Variants in COLGALT2 observed in about 807,000 individuals in gnomAD.
The protein encoded by COLGALT2 is collagen beta(1-O)galactosyltransferase 2, also known as procollagen galactosyltransferase 2.
Under a neutral mutation model 73.4 loss-of-function variants are expected in COLGALT2, and 49 were observed. The ratio of observed to expected loss-of-function variants is 0.67; its 90% CI spans 0.53 to 0.85. The LOEUF is 0.85. Ranked by LOEUF, COLGALT2 falls within the 40% of genes least tolerant of loss-of-function variation. COLGALT2 has a pLI of 0.00. For synonymous variants in COLGALT2, 295 were observed against 307.6 expected, an observed-to-expected ratio of 0.96 and a Z score of 0.43; for missense variants, 722 against 790.2, an observed-to-expected ratio of 0.91 and a Z score of 1.03.
At chr1:183,993,610 C>A (rs1404491235) in intron 1 of COLGALT2, among the ~76,000 whole-genome samples, 1 of 152,164 alleles carries the variant, frequency 6.6e-6, no homozygotes, top group Non-Finnish European at 1.5e-5. Context: ...GCTCTGAACA[C>A]CCTTCCTTCC....
chr1:183,959,825 T>C (rs1380393796), intron 6 of COLGALT2, among the ~76,000 whole-genome samples: 1 of 152,292 alleles, frequency 6.6e-6, no homozygotes, highest in East Asian at 1.9e-4. Context: ...CTTCTTCCAT[T>C]ACTTCATCTC....
At chr1:183,965,464 G>C (rs1670841157) in intron 5 of COLGALT2, among the ~76,000 whole-genome samples, 1 of 152,138 alleles carries the variant, frequency 6.6e-6, no homozygotes, top group Non-Finnish European at 1.5e-5. Flanking sequence ...TGTGAGAGAA[G>C]GACGAGGAGG....
intron 1 of COLGALT2, among the ~76,000 whole-genome samples, chr1:184,014,032 G>T (rs1056387904): frequency 6.6e-6 from 1 of 152,182 alleles, no homozygotes; most frequent in Non-Finnish European, 1.5e-5. Context: ...TAAGTTAGAG[G>T]AATCTCTGGA....
chr1:183,934,398 C>T (rs1669906116), downstream of COLGALT2, among the ~76,000 whole-genome samples: 1 of 152,206 alleles, frequency 6.6e-6, no homozygotes, highest in South Asian at 2.1e-4. Flanking sequence ...CTCATATGCC[C>T]CTCCTCTCCT....
chr1:183,969,019 C>T (rs998809594), intron 5 of COLGALT2, among the ~76,000 whole-genome samples: 1 of 152,026 alleles, frequency 6.6e-6, no homozygotes, highest in Non-Finnish European at 1.5e-5. Flanking sequence ...CCATAATTCC[C>T]AATATCACCA....
chr1:183,998,618 C>T (rs1013658565), intron 1 of COLGALT2, among the ~76,000 whole-genome samples: 1 of 152,048 alleles, frequency 6.6e-6, no homozygotes, highest in African/African-American at 2.4e-5. Flanking sequence ...ATGAACAATC[C>T]TCTTGGGATT....
chr1:183,993,690 G>A (rs992461322), intron 1 of COLGALT2, among the ~76,000 whole-genome samples: 2 of 152,190 alleles, frequency 1.3e-5, no homozygotes, highest in Non-Finnish European at 2.9e-5. Context: ...TTTTGGAGGT[G>A]CCATGTGAAG....
chr1:184,036,595 G>C (rs1470319282), intron 1 of COLGALT2, among the ~76,000 whole-genome samples: 1 of 152,202 alleles, frequency 6.6e-6, no homozygotes, highest in African/African-American at 2.4e-5. Context: ...GCACCGGAAA[G>C]TCAGAGCAGC....
intron 4 of COLGALT2, among the ~76,000 whole-genome samples, chr1:183,969,841 A>G (rs899074460): frequency 1.3e-5 from 2 of 152,196 alleles, no homozygotes; most frequent in African/African-American, 4.8e-5. Flanking sequence ...CTGAGTTCAA[A>G]TCCTACCTCA....
intron 2 of COLGALT2, among the ~76,000 whole-genome samples, chr1:183,975,533 T>C (rs1404162608): frequency 1.3e-5 from 2 of 152,218 alleles, no homozygotes; most frequent in East Asian, 1.9e-4. Context: ...ATTCGTCCAA[T>C]GTTACACAAT....
intron 1 of COLGALT2, among the ~76,000 whole-genome samples, chr1:184,032,968 C>T (rs985622473): frequency 6.6e-6 from 1 of 152,196 alleles, no homozygotes; most frequent in Non-Finnish European, 1.5e-5. Flanking sequence ...ATGTTTATGT[C>T]AACAGAAGCT....
At chr1:183,998,350 T>C (rs1321431501) in intron 1 of COLGALT2, among the ~76,000 whole-genome samples, 4 of 152,188 alleles carry the variant, frequency 2.6e-5, no homozygotes, top group Admixed American at 2.6e-4. Flanking sequence ...TTCTGTTAGG[T>C]TCTTTGATTT....
In COLGALT2 at chr1:183,938,892, C is replaced by T. The variant is rs142829051; in HGVS notation, c.1750G>A (p.Ala584Thr). Residue 584 changes from alanine to threonine, a missense_variant, in exon 12 of 12, where the codon GCC (alanine) becomes ACC (threonine). Coordinates refer to ENST00000361927, the MANE Select transcript of COLGALT2 (RefSeq NM_015101.4). ...TSTIWDNETV[A>T]TDWDRTHAWK... ...GCATGTGTCCTATCCCAGTCGGTGG[C>T]CACTGTCTCATTGTCCCAGATGGTG... 844 of 1,614,022 alleles carry T rather than the reference C, an allele frequency of 5.2e-4. No homozygotes were observed. The highest frequency in any genetic ancestry group is 6.8e-4 in the Non-Finnish European group (804 of 1,180,038).
At chr1:184,033,879 C>G (rs1035657176) in intron 1 of COLGALT2, among the ~76,000 whole-genome samples, 1 of 152,190 alleles carries the variant, frequency 6.6e-6, no homozygotes, top group South Asian at 2.1e-4. Context: ...TCAGAGGAAG[C>G]TGAATTCTGT....
At chr1:183,952,316 A>G (rs1025318661) in intron 7 of COLGALT2, among the ~76,000 whole-genome samples, 31 of 152,188 alleles carry the variant, frequency 2.0e-4, no homozygotes, top group Admixed American at 1.8e-3. Context: ...GGTGGTGTTG[A>G]CTTCATCCTG....
chr1:183,940,064 A>T (rs1224230968), intron 11 of COLGALT2, among the ~76,000 whole-genome samples: 1 of 152,186 alleles, frequency 6.6e-6, no homozygotes, highest in Non-Finnish European at 1.5e-5. Flanking sequence ...CATCATGCTC[A>T]GGTATCAGGT....
At chr1:183,966,997 G>C (rs924891438) in intron 5 of COLGALT2, among the ~76,000 whole-genome samples, 2 of 152,184 alleles carry the variant, frequency 1.3e-5, no homozygotes, top group Non-Finnish European at 2.9e-5. Flanking sequence ...AGAAGAGTGA[G>C]AACAAAAGAA....
chr1:183,957,362 T>C (rs1670580970), intron 6 of COLGALT2, among the ~76,000 whole-genome samples: 2 of 152,140 alleles, frequency 1.3e-5, no homozygotes. Flanking sequence ...CCATTCCACA[T>C]CATCCCCAGA....
At chr1:184,020,645 C>T (rs777023631) in intron 1 of COLGALT2, among the ~76,000 whole-genome samples, 5 of 152,142 alleles carry the variant, frequency 3.3e-5, no homozygotes, top group Non-Finnish European at 5.9e-5. Flanking sequence ...GAGCTCTACC[C>T]CATTATTCTG....
Sources: gnomAD v4.1 joint callset for allele counts (sites outside exome capture counted in the v4.1 genomes callset) on GRCh38, gnomAD v4.1.1 for gene constraint, MANE v1.5 for transcripts, NCBI Gene and HGNC (gene_info 2026-07-23, HGNC 2026-07-21) for gene names.